ABCC6: variants seen among roughly 807,000 people sequenced by gnomAD.
ABCC6 encodes ATP binding cassette subfamily C member 6, also known as ATP-binding cassette sub-family C member 6.
In ABCC6, 126 loss-of-function variants were observed where a neutral mutation model predicts 169.5. The observed-to-expected ratio is 0.74, with a 90% confidence interval of 0.64 to 0.86. The LOEUF (loss-of-function observed/expected upper bound fraction) is 0.86, where lower values mean the gene tolerates loss of function less well. Ranked by LOEUF, ABCC6 falls within the 40% of genes least tolerant of loss-of-function variation. The pLI is 0.00. For missense variants in ABCC6, 1,733 were observed against 1,927.2 expected (o/e 0.90, Z 1.89); for synonymous variants, 752 against 814.7 (o/e 0.92, Z 1.31).
intron 21 of ABCC6, chr16:16,173,064 T>A: frequency 4.7e-6 from 3 of 641,860 alleles, no homozygotes; most frequent in Non-Finnish European, 7.9e-6. Context: ...AAATAAATTT[T>A]AAAAGAATTC....
At chr16:16,222,549 ATT>A (rs780727081) in intron 1 of ABCC6, among the ~76,000 whole-genome samples, 18 of 146,012 alleles carry the variant, frequency 1.2e-4, no homozygotes, top group Non-Finnish European at 2.0e-4. Flanking sequence ...GGCCTGGCTA[ATT>A]TTTTTTTTTT....
At chr16:16,184,697 G>A (rs977010115) in intron 15 of ABCC6, among the ~76,000 whole-genome samples, 2 of 152,106 alleles carry the variant, frequency 1.3e-5, no homozygotes, top group African/African-American at 4.8e-5. Flanking sequence ...TGGGAGCACA[G>A]GGGTGTCTCC....
At position 16,178,804 on chromosome 16, in the gene ABCC6, C is replaced by G. The variant is rs116898670; in HGVS notation, c.2409G>C (p.Gln803His). ...CACATGTTCCCAAACTTACTGTTCC[C>G]TGGAGTAGTCCACCAGGCCCAATGA... ...NQVIGPGGLL[Q>H]GTTRILVTHA... The change falls in exon 18 of 31, where the codon CAG becomes CAC. Residue 803 changes from glutamine to histidine, a missense_variant. Coordinates refer to ENST00000205557, the MANE Select transcript of ABCC6 (RefSeq NM_001171.6). 2.0e-4 allele frequency: 326 copies of G among 1,613,896 alleles called. No individual in the cohort carries two copies. The highest frequency in any genetic ancestry group is 2.7e-4 in the Non-Finnish European group (315 of 1,180,032).
At chr16:16,201,213 T>A (rs1338010819) in intron 9 of ABCC6, among the ~76,000 whole-genome samples, 2 of 152,158 alleles carry the variant, frequency 1.3e-5, no homozygotes, top group Non-Finnish European at 2.9e-5. Flanking sequence ...GTGATCCGCC[T>A]GTCTCAGCCT....
At chr16:16,201,016 C>T (rs373903183) in intron 9 of ABCC6, among the ~76,000 whole-genome samples, 2 of 151,974 alleles carry the variant, frequency 1.3e-5, no homozygotes, top group South Asian at 2.1e-4. Context: ...ACCCAGGCTG[C>T]GCTGTAGTGG....
chr16:16,197,638 T>C lies in ABCC6; in HGVS notation c.1338+383A>G, dbSNP rs966195407. 6.5e-5 allele frequency among the ~76,000 whole-genome samples: 6 copies of C among 92,252 alleles called. No homozygotes were observed. In the East Asian group the frequency reaches 1.8e-3, roughly 27 times the overall value. 60.5% of individuals were successfully genotyped at this position (92,252 alleles called of 152,430 possible). A position where few individuals can be genotyped will look rare whatever the true frequency, so the allele number is the denominator to read the frequency against. On this transcript the variant is annotated intron_variant, in intron 10 of 30. Coordinates refer to ENST00000205557, the MANE Select transcript of ABCC6 (RefSeq NM_001171.6). ...AGGGGGAAGGAGGAAAAGGAAGGGG[T>C]GCAGGAAGAGGAGGGGGTGCGTGGG...
intron 17 of ABCC6, 74 bp from the exon 18 acceptor site, chr16:16,179,039 G>A: frequency 2.0e-6 from 3 of 1,525,938 alleles, no homozygotes; most frequent in African/African-American, 1.4e-5. Flanking sequence ...GCTGTGGCAG[G>A]TCAGGGCACA....
At chr16:16,168,446 A>T (rs925855943) in intron 22 of ABCC6, among the ~76,000 whole-genome samples, 4 of 152,190 alleles carry the variant, frequency 2.6e-5, no homozygotes, top group African/African-American at 7.2e-5. Context: ...AGTTCGTGCC[A>T]CTGCATTCCA....
At chr16:16,172,977 G>T (rs1374091714) in intron 21 of ABCC6, 1 of 418,298 alleles carries the variant, frequency 2.4e-6, no homozygotes, top group African/African-American at 2.0e-5. Flanking sequence ...AGGAGGTCGA[G>T]GCTGCAGTGA....
At position 16,221,629 on chromosome 16, in the gene ABCC6, C is replaced by G. The variant is rs765430609; in HGVS notation, c.219+20G>C. The G allele has an allele frequency of 6.2e-7, 1 of 1,613,424 alleles. No individual in the cohort carries two copies. ...CCCCCGAACATTGCCTGGTTCCAGG[C>G]TCCCAGGGATGGCAGCTACCATCTT... On this transcript the variant is annotated intron_variant, in intron 2 of 30. Coordinates refer to ENST00000205557, the MANE Select transcript of ABCC6 (RefSeq NM_001171.6).
intron 24 of ABCC6, among the ~76,000 whole-genome samples, chr16:16,162,221 C>G (rs1339155552): frequency 6.6e-6 from 1 of 152,174 alleles, no homozygotes; most frequent in African/African-American, 2.4e-5. Flanking sequence ...GACTAATACA[C>G]AGCCCCAGCT....
At chr16:16,156,325 G>A (rs1255208977) in intron 27 of ABCC6, among the ~76,000 whole-genome samples, 2 of 152,214 alleles carry the variant, frequency 1.3e-5, no homozygotes, top group Non-Finnish European at 2.9e-5. Flanking sequence ...AGACCTCATG[G>A]AGGAAGGGAT....
At chr16:16,209,541 T>TCCGTTGACCAAAC (rs1268953782) in intron 6 of ABCC6, among the ~76,000 whole-genome samples, 2 of 151,698 alleles carry the variant, frequency 1.3e-5, no homozygotes, top group Admixed American at 6.6e-5. Flanking sequence ...GAATCAGAAG[T>TCCGTTGACCAAAC]CCGTTGACCA....
chr16:16,203,559 T>C lies in ABCC6; in HGVS notation c.849A>G (p.Pro283=). 6.2e-7 allele frequency: 1 copy of C among 1,614,052 alleles called. No homozygotes were observed. Among genetic ancestry groups the C allele is most frequent in the South Asian group, 1.1e-5 (1 of 91,074 alleles). ...KRKGGSGMKA[P]ETEPFLRQEG... ...CTTGCCGTAGGAAGGGCTCGGTCTC[T>C]GGAGCCTTCATGCCACTGCCGCCTT... is the stretch of plus-strand genomic sequence containing the variant. The change falls in exon 8 of 31, where the codon CCA becomes CCG. Residue 283 remains proline (P), a synonymous_variant. Transcript: ENST00000205557.
chr16:16,185,017 T>C lies in ABCC6; in HGVS notation c.1885A>G (p.Ile629Val), dbSNP rs1208037787. The change falls in exon 15 of 31, where the codon ATC becomes GTC. Residue 629 changes from isoleucine to valine, a missense_variant. Transcript: ENST00000205557. ...GCGAAGGTGGCACTGTGTATGGTGA[T>C]GCAATCCTTCCCGGCAGCTGCAGGG... The part of the protein sequence containing the change: ...SSGSAAGKDC[I>V]TIHSATFAWS... 9 of 1,613,708 alleles carry C rather than the reference T, an allele frequency of 5.6e-6. No homozygotes were observed. The Admixed American group carries it at 6.7e-5, about 12-fold the overall frequency.
At chr16:16,153,114 A>G (rs2046437384) in intron 29 of ABCC6, among the ~76,000 whole-genome samples, 1 of 152,160 alleles carries the variant, frequency 6.6e-6, no homozygotes, top group Admixed American at 6.5e-5. Flanking sequence ...CATATTGGTC[A>G]GGCTGGTCTT....
At position 16,200,773 on chromosome 16, in the gene ABCC6, C is replaced by T. The variant is rs2048211307; in HGVS notation, c.1176+1228G>A. Among the ~76,000 whole-genome samples, 3 of 151,584 alleles carry T rather than the reference C, an allele frequency of 2.0e-5. No homozygotes were observed. In the South Asian group the frequency reaches 6.3e-4, roughly 32 times the overall value. On this transcript the variant is annotated intron_variant, in intron 9 of 30. Transcript: ENST00000205557. ...TGACACTTACATGGGACGGGACCTG[C>T]CCTGGCTCAGATGCTCCATACCCCA...
intron 4 of ABCC6, among the ~76,000 whole-genome samples, chr16:16,216,529 C>A (rs1187266058): frequency 6.6e-6 from 1 of 151,884 alleles, no homozygotes; most frequent in Non-Finnish European, 1.5e-5. Context: ...TTTATGGCTG[C>A]ATAGTACTTC....
intron 24 of ABCC6, among the ~76,000 whole-genome samples, chr16:16,162,353 T>G (rs1397038158): frequency 6.6e-6 from 1 of 152,196 alleles, no homozygotes; most frequent in Non-Finnish European, 1.5e-5. Flanking sequence ...TCTGCCAGTA[T>G]TAGCTGTGAG....
Sources: allele counts gnomAD v4.1 joint callset (sites outside exome capture counted in the v4.1 genomes callset), GRCh38; gene constraint gnomAD v4.1.1; transcripts MANE v1.5; gene names NCBI Gene and HGNC (gene_info 2026-07-23, HGNC 2026-07-21).